VTI1A: variants seen among roughly 807,000 people sequenced by gnomAD.
VTI1A encodes vesicle transport through interaction with t-SNAREs 1A, also known as vesicle transport through interaction with t-SNAREs homolog 1A.
VTI1A carries 22 observed loss-of-function variants against 34.9 expected under a neutral mutation model. That is an observed-to-expected ratio of 0.63 (90% CI 0.45 to 0.90). The LOEUF is 0.90. Ranked by LOEUF, VTI1A falls within the 40% of genes least tolerant of loss-of-function variation. VTI1A has a pLI of 0.00. For missense variants in VTI1A, 268 were observed against 275.6 expected, an observed-to-expected ratio of 0.97 and a Z score of 0.20; for synonymous variants, 87 against 97.3, an observed-to-expected ratio of 0.89 and a Z score of 0.62.
intron 3 of VTI1A, among the ~76,000 whole-genome samples, chr10:112,473,635 T>A (rs893507487): frequency 6.6e-6 from 1 of 152,196 alleles, no homozygotes; most frequent in Non-Finnish European, 1.5e-5. Context: ...GATGACCAAG[T>A]GAAAGGGTAT....
chr10:112,712,099 G>A (rs1051925362), intron 7 of VTI1A, among the ~76,000 whole-genome samples: 10 of 152,064 alleles, frequency 6.6e-5, no homozygotes, highest in Non-Finnish European at 8.8e-5. Flanking sequence ...CCTAGTTCTC[G>A]TTCCCAGTCT....
chr10:112,853,272 C>T, the VTI1A span, among the ~76,000 whole-genome samples: 3 of 152,204 alleles, frequency 2.0e-5, no homozygotes, highest in Admixed American at 6.5e-5. Flanking sequence ...CCCAGAACTG[C>T]CCACATCCTT....
chr10:112,707,630 C>G (rs1849248714), intron 7 of VTI1A, among the ~76,000 whole-genome samples: 1 of 152,156 alleles, frequency 6.6e-6, no homozygotes, highest in Admixed American at 6.5e-5. Context: ...CCTTGCCCAG[C>G]TATTGAACTA....
chr10:112,619,953 C>T (rs996029569), intron 5 of VTI1A, among the ~76,000 whole-genome samples: 6 of 152,068 alleles, frequency 3.9e-5, no homozygotes, highest in Non-Finnish European at 7.4e-5. Flanking sequence ...GGGAAGGTCT[C>T]GACCCCTGGG....
chr10:112,525,739 T>A (rs1032641050), intron 3 of VTI1A, among the ~76,000 whole-genome samples: 2 of 152,050 alleles, frequency 1.3e-5, no homozygotes, highest in Admixed American at 1.3e-4. Context: ...GTGGTTAAGA[T>A]AATTGGGAAA....
In VTI1A at chr10:112,717,791, C is replaced by A. The variant is rs557593151; in HGVS notation, c.560+48793C>A. On this transcript the variant is annotated intron_variant, in intron 7 of 7. Coordinates refer to ENST00000393077, the MANE Select transcript of VTI1A (RefSeq NM_145206.4). ...TTAAGGGGATGGGATGTGACACATA[C>A]CCCACTCTTTGATGCAGGGGTGGCA... 5.9e-5 allele frequency among the ~76,000 whole-genome samples: 9 copies of A among 152,264 alleles called. No individual in the cohort carries two copies. In the South Asian group the frequency reaches 1.7e-3, roughly 28 times the overall value.
chr10:112,776,190 G>A (rs531601709), intron 7 of VTI1A, among the ~76,000 whole-genome samples: 1 of 152,346 alleles, frequency 6.6e-6, no homozygotes, highest in African/African-American at 2.4e-5. Flanking sequence ...TACAGCAGCC[G>A]AGGGTAATCG....
intron 7 of VTI1A, among the ~76,000 whole-genome samples, chr10:112,805,138 A>T (rs1486237661): frequency 6.6e-6 from 1 of 151,864 alleles, no homozygotes; most frequent in Non-Finnish European, 1.5e-5. Context: ...ATGTGTGGAG[A>T]TTACAGTCGT....
intron 3 of VTI1A, among the ~76,000 whole-genome samples, chr10:112,480,991 G>A (rs923693085): frequency 6.6e-6 from 1 of 152,120 alleles, no homozygotes; most frequent in Admixed American, 6.5e-5. Context: ...AGCCTTATTG[G>A]TTAAGTTGAG....
chr10:112,828,530 C>T, the VTI1A span, among the ~76,000 whole-genome samples: 2 of 151,916 alleles, frequency 1.3e-5, no homozygotes, highest in South Asian at 2.1e-4. Context: ...CTCAGCCTCC[C>T]AAGTAGCTGG....
At chr10:112,685,681 T>C (rs1848379470) in intron 7 of VTI1A, among the ~76,000 whole-genome samples, 1 of 152,208 alleles carries the variant, frequency 6.6e-6, no homozygotes, top group South Asian at 2.1e-4. Context: ...CCCCTTGTTC[T>C]GTAGTATTGA....
At chr10:112,791,159 T>A (rs1590187806) in intron 7 of VTI1A, among the ~76,000 whole-genome samples, 1 of 152,358 alleles carries the variant, frequency 6.6e-6, no homozygotes, top group East Asian at 1.9e-4. Flanking sequence ...GGACCTGTTT[T>A]TGGCGGAACT....
intron 5 of VTI1A, among the ~76,000 whole-genome samples, chr10:112,613,866 G>T (rs1845411383): frequency 6.6e-6 from 1 of 152,194 alleles, no homozygotes; most frequent in African/African-American, 2.4e-5. Flanking sequence ...CTGTACATGC[G>T]AGTCTGTCAT....
intron 7 of VTI1A, among the ~76,000 whole-genome samples, chr10:112,760,066 T>C (rs1267299395): frequency 6.6e-6 from 1 of 152,136 alleles, no homozygotes; most frequent in East Asian, 1.9e-4. Flanking sequence ...ATAGGGAAGA[T>C]ATAAACACAG....
intron 7 of VTI1A, among the ~76,000 whole-genome samples, chr10:112,715,592 A>G (rs1221844662): frequency 6.6e-6 from 1 of 152,224 alleles, no homozygotes; most frequent in Non-Finnish European, 1.5e-5. Flanking sequence ...TGTTAAAAAA[A>G]AAACTTTATC....
At chr10:112,802,521 A>G (rs915808471) in intron 7 of VTI1A, among the ~76,000 whole-genome samples, 3 of 152,226 alleles carry the variant, frequency 2.0e-5, no homozygotes, top group Non-Finnish European at 4.4e-5. Context: ...ATAAAATGCC[A>G]GAACAGCACC....
chr10:112,588,960 A>G (rs939912503), intron 5 of VTI1A, among the ~76,000 whole-genome samples: 3 of 151,448 alleles, frequency 2.0e-5, no homozygotes, highest in Admixed American at 2.0e-4. Context: ...AGTCAAAAGC[A>G]TCGGTGTCAT....
intron 5 of VTI1A, among the ~76,000 whole-genome samples, chr10:112,571,951 A>C (rs1852140978): frequency 6.6e-6 from 1 of 152,200 alleles, no homozygotes; most frequent in African/African-American, 2.4e-5. Flanking sequence ...ATTGGCATAA[A>C]GATGGGAACA....
intron 5 of VTI1A, among the ~76,000 whole-genome samples, chr10:112,608,843 T>G (rs1357827552): frequency 6.6e-6 from 1 of 152,208 alleles, no homozygotes; most frequent in African/African-American, 2.4e-5. Context: ...ACTCTTTCCA[T>G]ATTGCTTGAA....
Sources: allele counts gnomAD v4.1 joint callset (sites outside exome capture counted in the v4.1 genomes callset), GRCh38; gene constraint gnomAD v4.1.1; transcripts MANE v1.5; gene names NCBI Gene and HGNC (gene_info 2026-07-23, HGNC 2026-07-21).